Variants in C1QTNF3 observed in about 807,000 individuals in gnomAD.
C1QTNF3 encodes the protein complement C1q tumor necrosis factor-related protein 3.
C1QTNF3 carries 26 observed loss-of-function variants against 32.6 expected under a neutral mutation model. The observed-to-expected ratio is 0.80, with a 90% CI of 0.58 to 1.11. C1QTNF3 has a LOEUF of 1.11. Ranked by LOEUF, C1QTNF3 falls within the 50% of genes least tolerant of loss-of-function variation. The pLI, the probability that C1QTNF3 is intolerant of heterozygous loss-of-function variation, is 0.00. For missense variants in C1QTNF3, 362 were observed against 398.2 expected (o/e 0.91, Z 0.77); for synonymous variants, 155 against 146.0 (o/e 1.06, Z -0.44).
chr5:34,159,120 T>C, the C1QTNF3 span, among the ~76,000 whole-genome samples: 2 of 152,130 alleles, frequency 1.3e-5, no homozygotes, highest in African/African-American at 4.8e-5. Context: ...TTTAAATAAC[T>C]ATATATTTCA....
At chr5:34,046,974 T>G (rs1754996932), upstream of C1QTNF3, among the ~76,000 whole-genome samples, 1 of 152,248 alleles carries the variant, frequency 6.6e-6, no homozygotes, top group Non-Finnish European at 1.5e-5. Context: ...ATTGGTTTAT[T>G]ATTAAATCTT....
At chr5:34,116,944 T>C in the C1QTNF3 span, among the ~76,000 whole-genome samples, 1 of 152,204 alleles carries the variant, frequency 6.6e-6, no homozygotes. Flanking sequence ...GATTGCTTTT[T>C]GCACAGTATA....
rs1165885309 is a variant in C1QTNF3 at position 34,023,977 on chromosome 5, C to T, written c.732G>A (p.Lys244=). 1.2e-6 allele frequency: 2 copies of T among 1,614,086 alleles called. No homozygotes were observed. The highest frequency in any genetic ancestry group is 1.7e-6 in the Non-Finnish European group (2 of 1,179,986). ...CATACACTTCCTCAACATCCTCATGCTTCATCATGCTGAAGGTGAAGAAAT... is the reference window on the plus strand; with the variant it reads ...CATACACTTCCTCAACATCCTCATGTTTCATCATGCTGAAGGTGAAGAAAT... ...GVYFFTFSMM[K]HEDVEEVYVY... is the part of the protein sequence containing the mutation. The change falls in exon 5 of 6, where the codon AAG becomes AAA. Residue 244 remains lysine (K), a synonymous_variant. Coordinates refer to ENST00000382065, the MANE Select transcript of C1QTNF3 (RefSeq NM_181435.6).
At chr5:34,211,108 T>G in the C1QTNF3 span, among the ~76,000 whole-genome samples, 2 of 151,236 alleles carry the variant, frequency 1.3e-5, no homozygotes, top group Non-Finnish European at 2.9e-5. Context: ...CTCTATATTG[T>G]AACAAAAAGA....
the C1QTNF3 span, among the ~76,000 whole-genome samples, chr5:34,121,799 GA>G: frequency 6.6e-6 from 1 of 152,128 alleles, no homozygotes; most frequent in Non-Finnish European, 1.5e-5. Flanking sequence ...GGGGCTTTTG[GA>G]AAATGATTAG....
At chr5:34,108,444 T>C in the C1QTNF3 span, among the ~76,000 whole-genome samples, 1 of 152,194 alleles carries the variant, frequency 6.6e-6, no homozygotes, top group African/African-American at 2.4e-5. Flanking sequence ...TTTGCCAGAA[T>C]AGCATGGTTC....
chr5:34,182,474 CAAATAAATAAAT>C, the C1QTNF3 span, among the ~76,000 whole-genome samples: 833 of 141,916 alleles, frequency 5.9e-3, no homozygotes, highest in African/African-American at 0.02. Flanking sequence ...GAGACCATCA[CAAATAAATAAAT>C]AAATAAATAA....
chr5:34,116,639 G>A, the C1QTNF3 span, among the ~76,000 whole-genome samples: 3 of 150,528 alleles, frequency 2.0e-5, no homozygotes, highest in Non-Finnish European at 3.0e-5. Context: ...TTGTCACCTA[G>A]GCTGGAGTGC....
the C1QTNF3 span, among the ~76,000 whole-genome samples, chr5:34,138,195 C>A: frequency 6.6e-6 from 1 of 152,140 alleles, no homozygotes; most frequent in African/African-American, 2.4e-5. Flanking sequence ...GTTGTTTAAG[C>A]CATCCAGTCT....
chr5:34,051,476 A>G, the C1QTNF3 span, among the ~76,000 whole-genome samples: 3 of 152,248 alleles, frequency 2.0e-5, no homozygotes, highest in Non-Finnish European at 2.9e-5. Context: ...TAAATACTCC[A>G]TAAATGCCTG....
At chr5:34,056,742 C>A in the C1QTNF3 span, among the ~76,000 whole-genome samples, 1 of 151,868 alleles carries the variant, frequency 6.6e-6, no homozygotes, top group African/African-American at 2.4e-5. Context: ...AACTCCTGGG[C>A]TCAAGTGATC....
the C1QTNF3 span, among the ~76,000 whole-genome samples, chr5:34,148,262 G>A: frequency 3.0e-4 from 42 of 141,832 alleles, no homozygotes; most frequent in African/African-American, 7.3e-4. Flanking sequence ...ACTGCAAGGC[G>A]GCAACGAGGC....
the C1QTNF3 span, among the ~76,000 whole-genome samples, chr5:34,099,965 T>C: frequency 6.6e-6 from 1 of 151,858 alleles, no homozygotes; most frequent in Non-Finnish European, 1.5e-5. Context: ...TGGACTCTTG[T>C]CACAAGCTAG....
the C1QTNF3 span, among the ~76,000 whole-genome samples, chr5:34,123,994 C>A: frequency 6.6e-6 from 1 of 152,044 alleles, no homozygotes; most frequent in Non-Finnish European, 1.5e-5. Context: ...TGTCTTTTTT[C>A]TAACCTAAAT....
At chr5:34,129,440 AAG>A in the C1QTNF3 span, among the ~76,000 whole-genome samples, 1 of 152,228 alleles carries the variant, frequency 6.6e-6, no homozygotes. Context: ...GAGAGGAATG[AAG>A]AGATATTGTT....
the C1QTNF3 span, among the ~76,000 whole-genome samples, chr5:34,163,683 C>T: frequency 6.6e-6 from 1 of 152,040 alleles, no homozygotes; most frequent in Non-Finnish European, 1.5e-5. Flanking sequence ...ACTCTCACCA[C>T]ATTGATAAAA....
the C1QTNF3 span, among the ~76,000 whole-genome samples, chr5:34,066,903 T>G: frequency 6.6e-6 from 1 of 152,182 alleles, no homozygotes; most frequent in African/African-American, 2.4e-5. Context: ...TGAACTTGTA[T>G]GTCCTTCTTC....
rs1228676054 is a variant in C1QTNF3 at position 34,035,641 on chromosome 5, C to A, written c.415+6G>T. 4 of 1,597,076 alleles carry A rather than the reference C, an allele frequency of 2.5e-6. 1 individual carries two copies. The South Asian group carries it at 4.4e-5, about 18-fold the overall frequency. On this transcript the variant is annotated splice_donor_region_variant and intron_variant, in intron 2 of 5. Coordinates refer to ENST00000382065, the MANE Select transcript of C1QTNF3 (RefSeq NM_181435.6). ...TAGATTGACAGTATGTCTTGCTCAT[C>A]CTTACCTGGAATGCCAGGAGGGCCC...
chr5:34,213,228 T>A, the C1QTNF3 span, among the ~76,000 whole-genome samples: 1 of 152,150 alleles, frequency 6.6e-6, no homozygotes, highest in African/African-American at 2.4e-5. Context: ...AAGATTATTA[T>A]AGGGTTGAAA....
Sources: gnomAD v4.1 joint callset for allele counts (sites outside exome capture counted in the v4.1 genomes callset) on GRCh38, gnomAD v4.1.1 for gene constraint, MANE v1.5 for transcripts, NCBI Gene and HGNC (gene_info 2026-07-23, HGNC 2026-07-21) for gene names.